Variants in MRPS9 observed in about 807,000 individuals in gnomAD.
MRPS9 encodes the protein small ribosomal subunit protein uS9m.
A neutral mutation model predicts 59.9 loss-of-function variants in MRPS9; 45 were observed. The ratio of observed to expected loss-of-function variants is 0.75; its 90% CI spans 0.59 to 0.96. MRPS9 has a LOEUF of 0.96. Among genes scored for constraint, MRPS9 ranks in the 40% least tolerant of loss-of-function variants. The pLI, the probability that MRPS9 is intolerant of heterozygous loss-of-function variation, is 0.00. For synonymous variants in MRPS9, 171 were observed against 166.8 expected (o/e 1.03, Z -0.19); for missense variants, 473 against 481.1 (o/e 0.98, Z 0.16).
chr2:105,097,368 A>T (rs1165090518), intron 10 of MRPS9, 44 bp downstream of exon 10: 6 of 1,446,114 alleles, frequency 4.1e-6, no homozygotes, highest in Non-Finnish European at 5.5e-6. Flanking sequence ...AATACTGGCT[A>T]TACATGTTCA....
rs116665547 is a variant in MRPS9, at chr2:105,049,390, A to G, written c.315+40A>G. On this transcript the variant is annotated intron_variant, in intron 2 of 10. Transcript: ENST00000258455. ...TCTGTTGAAAAAGTAATTGCTGTAG[A>G]GTTTTAGATATTAAAAGCACTTTTC... 1,209 of 1,548,552 alleles carry G rather than the reference A, an allele frequency of 7.8e-4. 9 individuals carry two copies. In the African/African-American group the frequency reaches 0.015, roughly 19 times the overall value.
chr2:105,083,225 T>C (rs79456946), intron 5 of MRPS9, among the ~76,000 whole-genome samples: 12,333 of 152,224 alleles, frequency 0.081, 713 homozygotes, highest in Non-Finnish European at 0.12. Context: ...TATAGATGGC[T>C]GTGTAAAAAA....
intron 1 of MRPS9, among the ~76,000 whole-genome samples, chr2:105,044,532 A>T (rs1207786942): frequency 6.6e-6 from 1 of 152,202 alleles, no homozygotes; most frequent in Non-Finnish European, 1.5e-5. Flanking sequence ...TTTGAAAAAG[A>T]TCCTAAGGAC....
At chr2:105,060,435 C>T (rs553648039) in intron 2 of MRPS9, among the ~76,000 whole-genome samples, 2 of 152,262 alleles carry the variant, frequency 1.3e-5, no homozygotes, top group East Asian at 1.9e-4. Context: ...GTGGCGCCAC[C>T]GCGCCTGACT....
chr2:105,090,583 C>A (rs77298403), intron 7 of MRPS9, among the ~76,000 whole-genome samples: 28 of 152,354 alleles, frequency 1.8e-4, no homozygotes, highest in African/African-American at 6.3e-4. Context: ...TTTTAACCAA[C>A]TTTCCAGGCG....
At chr2:105,043,064 G>T (rs1272131510) in intron 1 of MRPS9, among the ~76,000 whole-genome samples, 1 of 150,308 alleles carries the variant, frequency 6.7e-6, no homozygotes, top group Non-Finnish European at 1.5e-5. Context: ...TAAAAAAATA[G>T]ATTCCTTGCC....
At chr2:105,047,928 A>C (rs1679622927) in intron 1 of MRPS9, among the ~76,000 whole-genome samples, 1 of 151,916 alleles carries the variant, frequency 6.6e-6, no homozygotes, top group Non-Finnish European at 1.5e-5. Context: ...TAGTATTTCT[A>C]GTTCTAGATC....
At position 105,038,074 on chromosome 2, in the gene MRPS9, T is replaced by C. The variant is rs776435148; in HGVS notation, c.-19T>C. The C allele has an allele frequency of 1.9e-6, 3 of 1,612,572 alleles. No homozygotes were observed. The highest frequency in any genetic ancestry group is 1.3e-5 in the African/African-American group (1 of 74,852). ...CCCCGCCCCCTCACCCCTCCGGTCC[T>C]GGAGCTCCCACAGCTAACATGGCGG... On this transcript the variant is annotated 5_prime_UTR_variant, in exon 1 of 11. Transcript: ENST00000258455.
intron 5 of MRPS9, among the ~76,000 whole-genome samples, chr2:105,080,730 T>C (rs1357466469): frequency 6.6e-6 from 1 of 152,198 alleles, no homozygotes; most frequent in African/African-American, 2.4e-5. Context: ...ATTTTACTCA[T>C]TATATGATTT....
At chr2:105,042,163 C>G (rs1679513237) in intron 1 of MRPS9, among the ~76,000 whole-genome samples, 1 of 152,218 alleles carries the variant, frequency 6.6e-6, no homozygotes, top group Non-Finnish European at 1.5e-5. Flanking sequence ...TTGTTGGGTC[C>G]TCTTGCTCAG....
At chr2:105,072,330 C>T (rs940762663) in intron 4 of MRPS9, among the ~76,000 whole-genome samples, 38 of 150,432 alleles carry the variant, frequency 2.5e-4, no homozygotes, top group Admixed American at 2.3e-3. Context: ...AGTGAACTTA[C>T]ACTTCCTAAG....
intron 7 of MRPS9, chr2:105,091,448 CACCCTT>C: frequency 4.3e-6 from 2 of 468,510 alleles, no homozygotes; most frequent in Middle Eastern, 3.2e-4. Flanking sequence ...CTGAGTATTT[CACCCTT>C]ACTAGAAGAG....
rs78264959 is a variant in MRPS9, at chr2:105,064,718, G to A, written c.316-6595G>A. On this transcript the variant is annotated intron_variant, in intron 2 of 10. Transcript: ENST00000258455. ...AAGTAATGGAGAGCCCAGTGGAATA[G>A]GGAGGACTTCCAGACAAGGCTGCAT... 2.4e-4 allele frequency among the ~76,000 whole-genome samples: 36 copies of A among 152,322 alleles called. No homozygotes were observed. The East Asian group carries it at 7.0e-3, about 29-fold the overall frequency.
intron 1 of MRPS9, 38 bp downstream of exon 1, chr2:105,038,265 C>T (rs1350088785): frequency 5.0e-6 from 8 of 1,590,444 alleles, no homozygotes; most frequent in South Asian, 4.5e-5. Flanking sequence ...TTACCTCTGC[C>T]GCGCGAGGAT....
intron 4 of MRPS9, among the ~76,000 whole-genome samples, chr2:105,078,022 T>C (rs1176978467): frequency 1.7e-4 from 26 of 152,088 alleles, no homozygotes. Flanking sequence ...TCATACCTGG[T>C]ATCAAAACCC....
intron 1 of MRPS9, among the ~76,000 whole-genome samples, chr2:105,039,487 C>G (rs939567093): frequency 3.3e-5 from 5 of 151,984 alleles, no homozygotes; most frequent in African/African-American, 1.2e-4. Context: ...AACTTTCTGT[C>G]CCTCCTGGTA....
chr2:105,047,495 T>C (rs1400060968), intron 1 of MRPS9, among the ~76,000 whole-genome samples: 1 of 151,490 alleles, frequency 6.6e-6, no homozygotes, highest in Non-Finnish European at 1.5e-5. Flanking sequence ...GGGATGGAGG[T>C]AGGAGGGATG....
At chr2:105,059,776 T>C (rs899049977) in intron 2 of MRPS9, among the ~76,000 whole-genome samples, 3 of 152,046 alleles carry the variant, frequency 2.0e-5, no homozygotes, top group Non-Finnish European at 4.4e-5. Context: ...TGTAAGATGC[T>C]TGGGGGCCCA....
At position 105,049,187 on chromosome 2, in the gene MRPS9, A is replaced by T; in HGVS notation, c.152A>T (p.His51Leu). Reference protein sequence around the residue: ...NVRSQILRLRHTAFVIPKKNV... With the variant: ...NVRSQILRLRLTAFVIPKKNV... ...TTCTGTTAGATATTAAGGCTAAGAC[A>T]TACTGCATTTGTAATACCAAAGAAA... Residue 51 changes from histidine (H) to leucine (L), a missense_variant, in exon 2 of 11, where the codon CAT becomes CTT. Transcript: ENST00000258455. 6.2e-7 allele frequency: 1 copy of T among 1,603,842 alleles called. No homozygotes were observed. Among genetic ancestry groups the T allele is most frequent in the South Asian group, 1.1e-5 (1 of 89,846 alleles).
Sources: allele counts gnomAD v4.1 joint callset (sites outside exome capture counted in the v4.1 genomes callset), GRCh38; gene constraint gnomAD v4.1.1; transcripts MANE v1.5; gene names NCBI Gene and HGNC (gene_info 2026-07-23, HGNC 2026-07-21).